CTTN: variants seen among roughly 807,000 people sequenced by gnomAD.
CTTN encodes src substrate cortactin.
A neutral mutation model predicts 84.0 loss-of-function variants in CTTN; 28 were observed. That is an observed-to-expected ratio of 0.33 (90% CI 0.25 to 0.46). The LOEUF (loss-of-function observed/expected upper bound fraction) is 0.46. CTTN is among the 20% of genes least tolerant of loss of function. CTTN has a pLI of 1.00. For missense variants in CTTN, 641 were observed against 723.8 expected (o/e 0.89, Z 1.31); for synonymous variants, 301 against 288.8 (o/e 1.04, Z -0.43).
chr11:70,424,082 G>C (rs1196612533), intron 12 of CTTN, among the ~76,000 whole-genome samples: 1 of 152,186 alleles, frequency 6.6e-6, no homozygotes, highest in Non-Finnish European at 1.5e-5. Flanking sequence ...GCAGATGTGG[G>C]TGTCAGCGAG....
intron 11 of CTTN, chr11:70,422,461 C>T: frequency 2.4e-6 from 3 of 1,261,540 alleles, no homozygotes; most frequent in Non-Finnish European, 2.1e-6. Flanking sequence ...CAACGGAAGT[C>T]TTTGGCTGGT....
Position 70,433,201 on chromosome 11 carries a change from C to T in CTTN, c.1367C>T (p.Ala456Val), listed in dbSNP as rs979212957. 6.2e-7 allele frequency: 1 copy of T among 1,613,444 alleles called. No individual in the cohort carries two copies. The highest frequency in any genetic ancestry group is 8.5e-7 in the Non-Finnish European group (1 of 1,179,968). Residue 456 changes from alanine to valine, a missense_variant, in exon 16 of 18, where the codon GCC becomes GTC. Around this residue, in one of 3 missense-constraint regions of CTTN, gnomAD observed 289 missense variants for 273.1 expected, o/e 1.06. Transcript: ENST00000301843. Reference sequence around the variant, plus strand: ...ATGGAGGCCGCTGACTACCGAGAGGCCAGCAGCCAGCAGGGCCTGGCCTAT... The same window carrying T: ...ATGGAGGCCGCTGACTACCGAGAGGTCAGCAGCCAGCAGGGCCTGGCCTAT... ...YSMEAADYREASSQQGLAYAT... is the reference protein window; with the variant it reads ...YSMEAADYREVSSQQGLAYAT...
chr11:70,403,186 C>CCT (rs2058006128), intron 1 of CTTN, among the ~76,000 whole-genome samples: 1 of 114,706 alleles, frequency 8.7e-6, no homozygotes, highest in Non-Finnish European at 1.8e-5. Flanking sequence ...ATAAGAGTTC[C>CCT]TTTTTTTTTT....
At position 70,433,630 on chromosome 11, in the gene CTTN, T is replaced by C. The variant is rs770244684; in HGVS notation, c.1445-17T>C. 4 of 1,586,254 alleles carry C rather than the reference T, an allele frequency of 2.5e-6. No individual in the cohort carries two copies. Among genetic ancestry groups the C allele is most frequent in the Non-Finnish European group, 3.5e-6 (4 of 1,155,116 alleles). ...TGGGACTTTGTATTGTTCAGCTCTG[T>C]CATGGCTTTCTTTTAGAGGACAGCA... On this transcript the variant is annotated splice_polypyrimidine_tract_variant and intron_variant, in intron 16 of 17. Transcript: ENST00000301843.
At chr11:70,403,414 CTT>C (rs1476885766) in intron 1 of CTTN, among the ~76,000 whole-genome samples, 1 of 152,066 alleles carries the variant, frequency 6.6e-6, no homozygotes, top group Non-Finnish European at 1.5e-5. Flanking sequence ...GTCTCGATCT[CTT>C]GACCTAGTAA....
intron 16 of CTTN, 129 bp downstream of exon 16, chr11:70,433,407 G>C: frequency 2.0e-6 from 2 of 1,013,938 alleles, no homozygotes; most frequent in Non-Finnish European, 2.8e-6. Flanking sequence ...TTGCTATAGG[G>C]TCTTCTTGTC....
intron 11 of CTTN, 136 bp from the exon 12 acceptor site, chr11:70,422,804 C>T (rs12802851): frequency 0.21 from 309,761 of 1,504,620 alleles, 33,460 homozygotes; most frequent in Admixed American, 0.26. Flanking sequence ...CAAGTGAAGC[C>T]TCGCTTGGCC....
rs377056211 is a variant in CTTN at position 70,429,132 on chromosome 11, A to G, written c.1109A>G (p.Glu370Gly). ...GAGCAGGAGGACAGGCGGAAGGCGG[A>G]GGCGGAGAGAGCCCAGCGGATGGCC... ...EKEQEDRRKA[E>G]AERAQRMAKE... is the part of the protein sequence containing the mutation. Residue 370 changes from glutamate (E) to glycine (G), a missense_variant, in exon 14 of 18, where the codon GAG (glutamate) becomes GGG (glycine). Transcript: ENST00000301843. The G allele has an allele frequency of 2.5e-6, 4 of 1,614,000 alleles. No homozygotes were observed. The highest frequency in any genetic ancestry group is 3.4e-6 in the Non-Finnish European group (4 of 1,180,044).
chr11:70,426,183 G>A (rs1405779657), intron 13 of CTTN, among the ~76,000 whole-genome samples: 1 of 152,136 alleles, frequency 6.6e-6, no homozygotes, highest in Admixed American at 6.5e-5. Flanking sequence ...CAAGACGGGC[G>A]GATCACGAGG....
At chr11:70,405,906 G>A (rs532565305) in intron 2 of CTTN, among the ~76,000 whole-genome samples, 37 of 152,338 alleles carry the variant, frequency 2.4e-4, no homozygotes, top group African/African-American at 4.3e-4. Context: ...TCCTGCAGGC[G>A]GGCAGCCCCC....
In CTTN at chr11:70,407,322, G is replaced by A. The variant is rs745873592; in HGVS notation, c.25G>A (p.Ala9Thr). Reference sequence around the variant, plus strand: ...GATGTGGAAAGCTTCAGCAGGCCACGCTGTGTCCATCGCCCAGGATGACGC... The same window carrying A: ...GATGTGGAAAGCTTCAGCAGGCCACACTGTGTCCATCGCCCAGGATGACGC... MWKASAGH[A>T]VSIAQDDAGA... is the part of the protein sequence containing the mutation. The change falls in exon 3 of 18, where the codon GCT becomes ACT. Residue 9 changes from alanine (A) to threonine (T), a missense_variant. Around this residue, in one of 3 missense-constraint regions of CTTN, gnomAD observed 284 missense variants for 348.4 expected, o/e 0.82. Coordinates refer to ENST00000301843, the MANE Select transcript of CTTN (RefSeq NM_005231.4). 1.9e-6 allele frequency: 3 copies of A among 1,554,188 alleles called. No individual in the cohort carries two copies. The highest frequency in any genetic ancestry group is 3.9e-5 in the Admixed American group (2 of 51,178).
chr11:70,435,363 G>C lies in CTTN; in HGVS notation c.*201G>C, dbSNP rs571346659. 104 of 1,402,046 alleles carry C rather than the reference G, an allele frequency of 7.4e-5. No individual in the cohort carries two copies. Among genetic ancestry groups the C allele is most frequent in the African/African-American group, 6.8e-4 (44 of 64,846 alleles). 86.9% of individuals were successfully genotyped at this position (1,402,046 alleles called of 1,614,324 possible). ...TGAAAATGTTTATGCCACAGAATTTGCTAATATATTGTAATCACATTCCTT... is the reference window on the plus strand; with the variant it reads ...TGAAAATGTTTATGCCACAGAATTTCCTAATATATTGTAATCACATTCCTT... On this transcript the variant is annotated 3_prime_UTR_variant, in exon 18 of 18. Transcript: ENST00000301843.
At chr11:70,415,771 G>A in intron 7 of CTTN, 54 bp downstream of exon 7, 4 of 1,572,638 alleles carry the variant, frequency 2.5e-6, no homozygotes, top group Non-Finnish European at 3.5e-6. Flanking sequence ...GATGGGGAGA[G>A]TCACAGCCAC....
At chr11:70,428,672 C>G (rs2058323872) in intron 13 of CTTN, among the ~76,000 whole-genome samples, 1 of 152,198 alleles carries the variant, frequency 6.6e-6, no homozygotes, top group East Asian at 1.9e-4. Context: ...TTGAGATTTA[C>G]TATACTCAGT....
At chr11:70,429,763 T>C (rs1591450419) in intron 14 of CTTN, among the ~76,000 whole-genome samples, 1 of 152,128 alleles carries the variant, frequency 6.6e-6, no homozygotes, top group African/African-American at 2.4e-5. Flanking sequence ...TGTGTCTGGG[T>C]GCTTTGGGTC....
chr11:70,411,834 T>C (rs2058099679), intron 5 of CTTN, among the ~76,000 whole-genome samples: 1 of 152,176 alleles, frequency 6.6e-6, no homozygotes, highest in South Asian at 2.1e-4. Flanking sequence ...GAGCTGTCCT[T>C]GCCTCATCCT....
rs1489844890 is a variant in CTTN, at chr11:70,414,600, C to T, written c.350C>T (p.Ser117Leu). The T allele has an allele frequency of 4.3e-6, 7 of 1,614,154 alleles. No individual in the cohort carries two copies. The highest frequency in any genetic ancestry group is 1.1e-5 in the South Asian group (1 of 91,082). The change falls in exon 6 of 18, where the codon TCG (serine) becomes TTG (leucine). Residue 117 changes from serine to leucine, a missense_variant. By Grantham distance (145) the Ser-to-Leu change is moderately radical (BLOSUM62 -2). Transcript: ENST00000301843. ...TCCAAGCACTGCTCGCAGGTGGACTCGGTCCGTGGCTTCGGAGGCAAGTTT... is the reference window on the plus strand; with the variant it reads ...TCCAAGCACTGCTCGCAGGTGGACTTGGTCCGTGGCTTCGGAGGCAAGTTT... ...KLSKHCSQVDSVRGFGGKFGV... is the reference protein window; with the variant it reads ...KLSKHCSQVDLVRGFGGKFGV...
chr11:70,407,225 C>T, intron 2 of CTTN, 73 bp from the exon 3 acceptor site: 1 of 1,317,258 alleles, frequency 7.6e-7, no homozygotes. Flanking sequence ...TAGTTTTGGC[C>T]AAAGGGCTCA....
At chr11:70,417,208 G>A in intron 8 of CTTN, 85 bp downstream of exon 8, 2 of 1,036,216 alleles carry the variant, frequency 1.9e-6, no homozygotes, top group Admixed American at 1.8e-5. Context: ...CGTGATTGTT[G>A]TAGATTTTTT....
Sources: gnomAD v4.1 joint callset for allele counts (sites outside exome capture counted in the v4.1 genomes callset) on GRCh38, gnomAD v4.1.1 for gene constraint, gnomAD v4.1.1 regional missense constraint, MANE v1.5 for transcripts, NCBI Gene and HGNC (gene_info 2026-07-23, HGNC 2026-07-21) for gene names.